Variants in HECW1 observed in about 807,000 individuals in gnomAD.
HECW1 encodes the protein HECT, C2 and WW domain containing E3 ubiquitin protein ligase 1.
Under a neutral mutation model 182.3 loss-of-function variants are expected in HECW1, and 61 were observed. The ratio of observed to expected loss-of-function variants is 0.33; its 90% CI spans 0.27 to 0.41. The LOEUF (loss-of-function observed/expected upper bound fraction) is 0.41, where lower values mean the gene tolerates loss of function less well. Among genes scored for constraint, HECW1 ranks in the 10% least tolerant of loss-of-function variants. HECW1 has a pLI of 1.00. For missense variants in HECW1, 1,739 were observed against 2,108.9 expected, an observed-to-expected ratio of 0.82 and a Z score of 3.44; for synonymous variants, 859 against 832.6, an observed-to-expected ratio of 1.03 and a Z score of -0.55.
intron 29 of HECW1, among the ~76,000 whole-genome samples, chr7:43,557,799 A>G (rs7790685): frequency 0.5 from 76,243 of 152,034 alleles, 19,433 homozygotes; most frequent in Non-Finnish European, 0.56. Context: ...TCATTTGCAC[A>G]TATGTGTGTG....
intron 8 of HECW1, among the ~76,000 whole-genome samples, chr7:43,437,380 A>G (rs1345431068): frequency 2.0e-5 from 3 of 152,220 alleles, no homozygotes; most frequent in Non-Finnish European, 2.9e-5. Context: ...TAATGCTCCA[A>G]TAAACATCCC....
At chr7:43,216,334 C>G (rs545386303) in intron 2 of HECW1, among the ~76,000 whole-genome samples, 2 of 151,946 alleles carry the variant, frequency 1.3e-5, no homozygotes, top group Admixed American at 1.3e-4. Flanking sequence ...TTAGGAGAGA[C>G]GAGCTTTCAC....
chr7:43,444,982 G>A lies in HECW1; in HGVS notation c.1810G>A (p.Asp604Asn). 1 of 1,559,654 alleles carries A rather than the reference G, an allele frequency of 6.4e-7. No homozygotes were observed. Among genetic ancestry groups the A allele is most frequent in the Non-Finnish European group, 8.7e-7 (1 of 1,151,614 alleles). Residue 604 changes from aspartate to asparagine, a missense_variant, in exon 11 of 30, where the codon GAC (aspartate) becomes AAC (asparagine). This residue lies in a region of HECW1 where 971 missense variants were observed against 1,029.1 expected (regional missense o/e 0.94). Coordinates refer to ENST00000395891, the MANE Select transcript of HECW1 (RefSeq NM_015052.5). This position sits in a 1 kb window ranked among gnomAD's most constrained non-coding sequence, Gnocchi z 4.3. ...SSEKDGLSEV[D>N]TVAADPSALE... ...GGAGAAGGATGGGCTCAGCGAGGTG[G>A]ACACGGTGGCCGCTGACCCGTCTGC...
chr7:43,482,660 C>A (rs962872761), intron 17 of HECW1, among the ~76,000 whole-genome samples: 13 of 152,254 alleles, frequency 8.5e-5, no homozygotes, highest in African/African-American at 3.1e-4. Context: ...AATGAAAACA[C>A]TTTGGGAAGC....
intron 6 of HECW1, among the ~76,000 whole-genome samples, chr7:43,371,365 G>A (rs563791928): frequency 5.0e-4 from 76 of 152,288 alleles, no homozygotes; most frequent in Non-Finnish European, 9.4e-4. Context: ...TATGTGGAAC[G>A]TTGGTAGTTG....
At chr7:43,375,890 CAAA>C (rs71011911) in intron 6 of HECW1, among the ~76,000 whole-genome samples, 1 of 102,910 alleles carries the variant, frequency 9.7e-6, no homozygotes. Context: ...AGACCCTTCT[CAAA>C]AAAAAAAAAA....
At chr7:43,330,079 A>C (rs1399413834) in intron 5 of HECW1, among the ~76,000 whole-genome samples, 1 of 152,202 alleles carries the variant, frequency 6.6e-6, no homozygotes, top group Non-Finnish European at 1.5e-5. Context: ...AAGGGTGGCC[A>C]TAAATTCCCT....
At chr7:43,332,682 G>A (rs1295514701) in intron 5 of HECW1, among the ~76,000 whole-genome samples, 1 of 152,160 alleles carries the variant, frequency 6.6e-6, no homozygotes, top group Non-Finnish European at 1.5e-5. Flanking sequence ...CTCATCCCTG[G>A]GGAACAGTAC....
rs373150352 is a variant in HECW1, at chr7:43,158,312, TATATTC to T, written c.-32+43924_-32+43929del. ...GTTTTCCAATTTTCTTTGAGATTCT[TATATTC>T]ATGATTTTGCTTAAGGGAATGCATT... On this transcript the variant is annotated intron_variant, in intron 2 of 29. Transcript: ENST00000395891. Among the ~76,000 whole-genome samples the T allele has an allele frequency of 8.5e-4, 130 of 152,330 alleles. 1 individual carries two copies. The highest frequency in any genetic ancestry group is 6.8e-3 in the Middle Eastern group (2 of 294).
At chr7:43,238,936 C>T (rs993336454) in intron 2 of HECW1, 3 of 152,048 alleles carry the variant, frequency 2.0e-5, no homozygotes, top group Admixed American at 1.3e-4. Context: ...AATTCAGTGA[C>T]AATAACACCA....
At chr7:43,311,194 G>T (rs1416750196) in intron 3 of HECW1, among the ~76,000 whole-genome samples, 1 of 152,202 alleles carries the variant, frequency 6.6e-6, no homozygotes, top group Non-Finnish European at 1.5e-5. Flanking sequence ...TAGGATGTTT[G>T]AAATCCTTCA....
chr7:43,520,212 A>G (rs1458958496), intron 24 of HECW1, among the ~76,000 whole-genome samples: 2 of 152,180 alleles, frequency 1.3e-5, no homozygotes, highest in Non-Finnish European at 2.9e-5. Context: ...TGCCTCATGT[A>G]TATGGTACAA....
intron 16 of HECW1, among the ~76,000 whole-genome samples, chr7:43,476,536 A>C (rs951538391): frequency 6.6e-6 from 1 of 152,192 alleles, no homozygotes; most frequent in East Asian, 1.9e-4. Context: ...AAATGAAAAC[A>C]GACAAGAATA....
chr7:43,150,146 ATAACCCTAT>A (rs1789141668), intron 2 of HECW1, among the ~76,000 whole-genome samples: 1 of 152,222 alleles, frequency 6.6e-6, no homozygotes, highest in Non-Finnish European at 1.5e-5. Context: ...GTTCTGCCCA[ATAACCCTAT>A]TATTTTCACT....
chr7:43,334,722 C>T (rs1465991184), intron 5 of HECW1, among the ~76,000 whole-genome samples: 1 of 152,134 alleles, frequency 6.6e-6, no homozygotes, highest in Non-Finnish European at 1.5e-5. Context: ...CCAGGTTATC[C>T]AAGGCTTATG....
At chr7:43,154,479 C>T (rs10269585) in intron 2 of HECW1, among the ~76,000 whole-genome samples, 43 of 151,920 alleles carry the variant, frequency 2.8e-4, no homozygotes, top group Non-Finnish European at 3.7e-4. Context: ...ATTTCTAGGT[C>T]GTGAAAGTTT....
Position 43,146,167 on chromosome 7 carries a change from T to G in HECW1, c.-32+31776T>G, listed in dbSNP as rs187311201. ...AATTTTGCTTTGTCCTAATTTCCTT[T>G]TCCACTTAATTTTCTGTGGTATTGG... On this transcript the variant is annotated intron_variant, in intron 2 of 29. Coordinates refer to ENST00000395891, the MANE Select transcript of HECW1 (RefSeq NM_015052.5). Among the ~76,000 whole-genome samples, 115 of 152,372 alleles carry G rather than the reference T, an allele frequency of 7.5e-4. 1 individual carries two copies. Among genetic ancestry groups the G allele is most frequent in the Middle Eastern group, 3.4e-3 (1 of 294 alleles).
intron 2 of HECW1, among the ~76,000 whole-genome samples, chr7:43,201,019 CCT>C (rs1373059860): frequency 1.3e-5 from 2 of 152,162 alleles, no homozygotes; most frequent in Non-Finnish European, 2.9e-5. Flanking sequence ...AAGAAATACA[CCT>C]CTGTTATTTT....
intron 2 of HECW1, among the ~76,000 whole-genome samples, chr7:43,185,680 G>T (rs369502320): frequency 5.5e-4 from 83 of 152,012 alleles, no homozygotes; most frequent in African/African-American, 1.6e-3. Flanking sequence ...TTTTGGCTTG[G>T]TTTTTTTCTA....
Sources: allele counts gnomAD v4.1 joint callset (sites outside exome capture counted in the v4.1 genomes callset), GRCh38; gene constraint gnomAD v4.1.1; regional missense constraint gnomAD v4.1.1; non-coding constraint Gnocchi (gnomAD v3.1); transcripts MANE v1.5; gene names NCBI Gene and HGNC (gene_info 2026-07-23, HGNC 2026-07-21).